GARNL3: variants seen among roughly 807,000 people sequenced by gnomAD.
The protein encoded by GARNL3 is GTPase activating Rap/RanGAP domain like 3, also known as GTPase-activating Rap/Ran-GAP domain-like protein 3.
Under a neutral mutation model 125.0 loss-of-function variants are expected in GARNL3, and 63 were observed. The ratio of observed to expected loss-of-function variants is 0.50; its 90% CI spans 0.41 to 0.62. The LOEUF (loss-of-function observed/expected upper bound fraction) is 0.62, where lower values mean the gene tolerates loss of function less well. GARNL3 is among the 20% of genes least tolerant of loss of function. The pLI, the probability that GARNL3 is intolerant of heterozygous loss-of-function variation, is 0.00. For synonymous variants in GARNL3, 439 were observed against 457.5 expected (o/e 0.96, Z 0.52); for missense variants, 994 against 1,244.0 (o/e 0.80, Z 3.02).
intron 2 of GARNL3, among the ~76,000 whole-genome samples, chr9:127,302,644 A>T (rs2779717): frequency 0.6 from 91,283 of 152,122 alleles, 30,264 homozygotes; most frequent in Admixed American, 0.74. Context: ...GAAAAGATAC[A>T]GAAGAATATA....
intron 1 of GARNL3, among the ~76,000 whole-genome samples, chr9:127,229,064 T>C (rs2062959913): frequency 6.6e-6 from 1 of 152,210 alleles, no homozygotes; most frequent in Admixed American, 6.5e-5. Context: ...CCTCAAGTGA[T>C]CCACCCGTCT....
At chr9:127,231,273 T>G (rs1481790854) in intron 1 of GARNL3, among the ~76,000 whole-genome samples, 5 of 135,284 alleles carry the variant, frequency 3.7e-5, no homozygotes, top group African/African-American at 1.4e-4. Context: ...AGGGTTTCAC[T>G]GTATTAGCCA....
intron 21 of GARNL3, among the ~76,000 whole-genome samples, chr9:127,360,616 T>C (rs1380119532): frequency 6.6e-6 from 1 of 152,238 alleles, no homozygotes; most frequent in African/African-American, 2.4e-5. Flanking sequence ...TTTACCAAGA[T>C]GTTCCTGCAG....
intron 2 of GARNL3, among the ~76,000 whole-genome samples, chr9:127,248,243 C>T (rs1227632956): frequency 2.0e-5 from 3 of 152,226 alleles, no homozygotes; most frequent in Non-Finnish European, 2.9e-5. Flanking sequence ...GCGGCTGACT[C>T]GTCCCCTGCC....
rs760004375 is a variant in GARNL3, at chr9:127,339,653, T to C, written c.1037T>C (p.Ile346Thr). 1 of 1,611,102 alleles carries C rather than the reference T, an allele frequency of 6.2e-7. No individual in the cohort carries two copies. The highest frequency in any genetic ancestry group is 1.1e-5 in the South Asian group (1 of 91,030). The part of the protein sequence containing the change: ...NQQNDNYRLK[I>T]FSEESVPLFG... ...CAATATTCTCTACTTAGGCTGAAAA[T>C]ATTTTCAGAAGAGAGCGTACCACTC... The change falls in exon 13 of 28, where the codon ATA becomes ACA. Residue 346 changes from isoleucine (I) to threonine (T), a missense_variant. Coordinates refer to ENST00000373387, the MANE Select transcript of GARNL3 (RefSeq NM_032293.5).
chr9:127,308,273 C>T (rs1405496410), intron 2 of GARNL3, among the ~76,000 whole-genome samples: 1 of 151,990 alleles, frequency 6.6e-6, no homozygotes, highest in Non-Finnish European at 1.5e-5. Flanking sequence ...GTCTGCATAC[C>T]CTGAATCTAA....
At position 127,280,497 on chromosome 9, in the gene GARNL3, A is replaced by G. The variant is rs1478157068; in HGVS notation, c.145-10671A>G. 1.3e-5 allele frequency among the ~76,000 whole-genome samples: 2 copies of G among 152,232 alleles called. No homozygotes were observed. Among genetic ancestry groups the G allele is most frequent in the Non-Finnish European group, 2.9e-5 (2 of 68,042 alleles). ...AATTAGATGGTGTGGGGAAGATTAAAGTGCCTTCCAACCTTCCATAATTAC... is the reference window on the plus strand; with the variant it reads ...AATTAGATGGTGTGGGGAAGATTAAGGTGCCTTCCAACCTTCCATAATTAC... On this transcript the variant is annotated intron_variant, in intron 1 of 27. Transcript: ENST00000373387. The surrounding 1 kb of genome is among the most constrained non-coding windows in gnomAD (Gnocchi z 4.5).
chr9:127,336,145 C>T lies in GARNL3; in HGVS notation c.891C>T (p.His297=), dbSNP rs1829542061. 2 of 1,613,762 alleles carry T rather than the reference C, an allele frequency of 1.2e-6. No homozygotes were observed. The highest frequency in any genetic ancestry group is 8.5e-7 in the Non-Finnish European group (1 of 1,179,708). Residue 297 remains histidine, a synonymous_variant, in exon 11 of 28, where the codon CAC becomes CAT. Transcript: ENST00000373387. ...ENKQQVERKR[H]IGNDIVTIVF... ...CACTACAGGTGGAAAGGAAACGCCACATTGGAAACGATATCGTCACCATTG... is the reference window on the plus strand; with the variant it reads ...CACTACAGGTGGAAAGGAAACGCCATATTGGAAACGATATCGTCACCATTG...
intron 4 of GARNL3, among the ~76,000 whole-genome samples, chr9:127,317,332 A>T (rs933936621): frequency 1.3e-5 from 2 of 152,338 alleles, no homozygotes; most frequent in Middle Eastern, 3.4e-3. Context: ...TTTCTAGTTC[A>T]AAAAGTTTTT....
intron 5 of GARNL3, among the ~76,000 whole-genome samples, chr9:127,319,563 T>C (rs1013263688): frequency 6.6e-6 from 1 of 152,206 alleles, no homozygotes; most frequent in Admixed American, 6.5e-5. Flanking sequence ...GGTCTCCAGA[T>C]TGCAGACCTT....
At chr9:127,291,385 T>C (rs2064410691) in intron 2 of GARNL3, 143 bp downstream of exon 2, 3 of 716,648 alleles carry the variant, frequency 4.2e-6, no homozygotes, top group East Asian at 5.4e-5. Flanking sequence ...ATGTCAGTAT[T>C]CTGGCATGGA....
intron 22 of GARNL3, among the ~76,000 whole-genome samples, chr9:127,377,603 A>G (rs1369463603): frequency 6.6e-6 from 1 of 152,102 alleles, no homozygotes; most frequent in Middle Eastern, 3.4e-3. Flanking sequence ...ACTGGCCAAC[A>G]TGGTGAGACC....
intron 7 of GARNL3, among the ~76,000 whole-genome samples, chr9:127,330,537 A>G (rs1829164783): frequency 6.6e-6 from 1 of 152,218 alleles, no homozygotes; most frequent in Non-Finnish European, 1.5e-5. Context: ...TGGGGATTCA[A>G]TGGAAAGAAA....
Position 127,320,739 on chromosome 9 carries a change from G to C in GARNL3, c.528G>C (p.Glu176Asp), listed in dbSNP as rs748060861. ...GTGCCATGAATCTGGACAAATTTGA[G>C]AAAGGCCCCAGGGAAATTTTTCATC... ...ILSAMNLDKF[E>D]KGPREIFHPE... is the part of the protein sequence containing the mutation. Residue 176 changes from glutamate (E) to aspartate (D), a missense_variant, in exon 6 of 28, where the codon GAG (glutamate) becomes GAC (aspartate). Coordinates refer to ENST00000373387, the MANE Select transcript of GARNL3 (RefSeq NM_032293.5). The C allele has an allele frequency of 1.9e-6, 3 of 1,612,458 alleles. No individual in the cohort carries two copies. Among genetic ancestry groups the C allele is most frequent in the African/African-American group, 2.7e-5 (2 of 74,882 alleles).
chr9:127,236,437 C>T (rs2063113697), intron 1 of GARNL3, among the ~76,000 whole-genome samples: 1 of 152,192 alleles, frequency 6.6e-6, no homozygotes, highest in Admixed American at 6.5e-5. Flanking sequence ...GAAGTATTCT[C>T]AATTAGTGTG....
At chr9:127,231,044 A>AT (rs1311501205) in intron 1 of GARNL3, among the ~76,000 whole-genome samples, 31 of 47,506 alleles carry the variant, frequency 6.5e-4, no homozygotes, top group African/African-American at 1.3e-3. Flanking sequence ...ACATATATAT[A>AT]TATATATTTT....
chr9:127,311,332 G>T (rs1187802024), intron 2 of GARNL3, among the ~76,000 whole-genome samples: 3 of 151,994 alleles, frequency 2.0e-5, no homozygotes, highest in East Asian at 3.9e-4. Context: ...TTCCTCTAGG[G>T]GGCACCAACT....
At chr9:127,356,614 A>G (rs1424730094) in intron 20 of GARNL3, 2 of 152,240 alleles carry the variant, frequency 1.3e-5, no homozygotes, top group Non-Finnish European at 2.9e-5. Context: ...ACACGTTAAA[A>G]TCTTGCTCTA....
At chr9:127,263,266 G>A (rs1195973265), upstream of GARNL3, among the ~76,000 whole-genome samples, 4 of 152,194 alleles carry the variant, frequency 2.6e-5, no homozygotes, top group African/African-American at 9.7e-5. Flanking sequence ...AGAGCTGATG[G>A]CAGCACAGGG....
Sources: allele counts gnomAD v4.1 joint callset (sites outside exome capture counted in the v4.1 genomes callset), GRCh38; gene constraint gnomAD v4.1.1; non-coding constraint Gnocchi (gnomAD v3.1); transcripts MANE v1.5; gene names NCBI Gene and HGNC (gene_info 2026-07-23, HGNC 2026-07-21).